DDX1: variants seen among roughly 807,000 people sequenced by gnomAD.
DDX1 encodes DEAD-box helicase 1.
A neutral mutation model predicts 108.7 loss-of-function variants in DDX1; 28 were observed. The observed-to-expected ratio is 0.26, with a 90% confidence interval of 0.19 to 0.35. The LOEUF is 0.35. Among genes scored for constraint, DDX1 ranks in the 10% least tolerant of loss-of-function variants. The pLI, the probability that DDX1 is intolerant of heterozygous loss-of-function variation, is 1.00. For missense variants in DDX1, 710 were observed against 884.5 expected (o/e 0.80, Z 2.50); for synonymous variants, 295 against 288.9 (o/e 1.02, Z -0.21).
chr2:15,602,342 C>T (rs1476595495), intron 6 of DDX1, among the ~76,000 whole-genome samples: 1 of 152,136 alleles, frequency 6.6e-6, no homozygotes, highest in Non-Finnish European at 1.5e-5. Flanking sequence ...GCCAAGGACA[C>T]CCAGGGAATG....
Position 15,604,433 on chromosome 2 carries a change from C to A in DDX1, c.553-4C>A. On this transcript the variant is annotated splice_polypyrimidine_tract_variant and splice_region_variant and intron_variant, in intron 9 of 25. Coordinates refer to ENST00000233084, the MANE Select transcript of DDX1 (RefSeq NM_004939.3). ...TAATAGCATTTGACTTTCTGGTGTT[C>A]TAGGAATTCACTATGCATGATACCA... The A allele has an allele frequency of 6.3e-7, 1 of 1,596,272 alleles. No homozygotes were observed. The highest frequency in any genetic ancestry group is 8.6e-7 in the Non-Finnish European group (1 of 1,165,094).
chr2:15,608,671 T>TG (rs1573041898), intron 13 of DDX1, among the ~76,000 whole-genome samples: 1 of 146,102 alleles, frequency 6.8e-6, no homozygotes, highest in East Asian at 2.0e-4. Flanking sequence ...AGGTTTTTTT[T>TG]TTTTTTTTTT....
chr2:15,604,043 A>G (rs1250064854), intron 9 of DDX1, among the ~76,000 whole-genome samples, 153 bp downstream of exon 9: 1 of 152,220 alleles, frequency 6.6e-6, no homozygotes, highest in Non-Finnish European at 1.5e-5. Flanking sequence ...ACTTTAGTGA[A>G]GAAATATTGT....
intron 12 of DDX1, 143 bp downstream of exon 12, chr2:15,606,407 T>C (rs997879578): frequency 6.7e-6 from 4 of 600,948 alleles, no homozygotes; most frequent in Admixed American, 3.5e-5. Context: ...AGCAGTAAAA[T>C]TCATTTTTAA....
At chr2:15,609,501 A>C (rs945482011) in intron 13 of DDX1, among the ~76,000 whole-genome samples, 15 of 151,976 alleles carry the variant, frequency 9.9e-5, no homozygotes, top group African/African-American at 3.6e-4. Flanking sequence ...TTACTTTTTA[A>C]TTTTCTTAAT....
chr2:15,624,030 CTGAA>C (rs1666056226), intron 19 of DDX1, among the ~76,000 whole-genome samples: 1 of 152,070 alleles, frequency 6.6e-6, no homozygotes, highest in Non-Finnish European at 1.5e-5. Context: ...TTGGAAAAAT[CTGAA>C]TGTATGAGTA....
intron 23 of DDX1, 128 bp downstream of exon 23, chr2:15,628,967 A>T: frequency 1.2e-6 from 1 of 834,852 alleles, no homozygotes; most frequent in African/African-American, 1.7e-5. Flanking sequence ...GAACTTTTTA[A>T]TGTCATCTTT....
intron 5 of DDX1, 129 bp from the exon 6 acceptor site, chr2:15,599,540 T>C: frequency 1.9e-6 from 1 of 528,560 alleles, no homozygotes; most frequent in East Asian, 3.3e-5. Context: ...CTTGAACTCC[T>C]GACCTCAAGT....
At chr2:15,607,418 A>G (rs1665681730) in intron 13 of DDX1, 105 bp downstream of exon 13, 1 of 915,356 alleles carries the variant, frequency 1.1e-6, no homozygotes, top group Non-Finnish European at 1.7e-6. Context: ...GTGTGTATAC[A>G]TAATACACGT....
In DDX1 at chr2:15,612,080, T is replaced by G. The variant is rs78961065; in HGVS notation, c.957-1144T>G. The stretch of plus-strand genomic sequence containing the variant: ...TCTCCTCCCGGAGGGGGCGGCTGGC[T>G]GGCGGGGCCTGACCCCCCCACCTCC... On this transcript the variant is annotated intron_variant, in intron 13 of 25. Transcript: ENST00000233084. Among the ~76,000 whole-genome samples, 2 of 56,856 alleles carry G rather than the reference T, an allele frequency of 3.5e-5. 1 individual carries two copies. The highest frequency in any genetic ancestry group is 1.5e-3 in the South Asian group (2 of 1,374). The allele number at this position is 56,856 out of a possible 152,430, so 37.3% of individuals were successfully genotyped here. A position where few individuals can be genotyped will look rare whatever the true frequency, so the allele number is the denominator to read the frequency against.
chr2:15,606,267 AT>A lies in DDX1; in HGVS notation c.817+5del. The A allele has an allele frequency of 6.3e-7, 1 of 1,594,886 alleles. No homozygotes were observed. The highest frequency in any genetic ancestry group is 8.6e-7 in the Non-Finnish European group (1 of 1,163,226). On this transcript the variant is annotated splice_donor_region_variant and intron_variant, in intron 12 of 25. Transcript: ENST00000233084. ...CATTGTCAAATCACAGCACTCAGGT[AT>A]TATACCTGCAAGGGTAAGGATTTCT...
Position 15,612,718 on chromosome 2 carries a change from T to C in DDX1, c.957-506T>C, listed in dbSNP as rs930786187. Among the ~76,000 whole-genome samples the C allele has an allele frequency of 9.9e-5, 15 of 152,244 alleles. No individual in the cohort carries two copies. The South Asian group carries it at 1.9e-3, about 19-fold the overall frequency. On this transcript the variant is annotated intron_variant, in intron 13 of 25. Transcript: ENST00000233084. ...CCACTGCACTCCAGCCTGGGCAACA[T>C]TGAGCACTGAGTGAGGGAGACTCCG...
intron 13 of DDX1, among the ~76,000 whole-genome samples, chr2:15,612,581 CG>C (rs1665793860): frequency 2.0e-5 from 3 of 151,342 alleles, no homozygotes; most frequent in Admixed American, 2.0e-4. Context: ...CAGGCAGAGA[CG>C]CTCCTCACTT....
chr2:15,619,124 G>A (rs1159557734), intron 16 of DDX1, among the ~76,000 whole-genome samples: 3 of 151,812 alleles, frequency 2.0e-5, no homozygotes, highest in Non-Finnish European at 4.4e-5. Context: ...ACCACCCTGG[G>A]CCCAGCTCCA....
chr2:15,620,899 T>C (rs1665993893), intron 17 of DDX1, among the ~76,000 whole-genome samples, 166 bp from the exon 18 acceptor site: 1 of 152,190 alleles, frequency 6.6e-6, no homozygotes, highest in African/African-American at 2.4e-5. Flanking sequence ...AATGAAAGGT[T>C]TTTCTGAATC....
At chr2:15,603,364 C>A in intron 8 of DDX1, 89 bp downstream of exon 8, 1 of 905,052 alleles carries the variant, frequency 1.1e-6, no homozygotes, top group Non-Finnish European at 1.7e-6. Flanking sequence ...TAAATTTAAC[C>A]ATAAAAAGGT....
chr2:15,595,232 A>G lies in DDX1; in HGVS notation c.68+36A>G, dbSNP rs1475105811. 6 of 1,501,106 alleles carry G rather than the reference A, an allele frequency of 4.0e-6. No homozygotes were observed. The Admixed American group carries it at 9.5e-5, about 24-fold the overall frequency. 93.0% of individuals were successfully genotyped at this position (1,501,106 alleles called of 1,614,324 possible). On this transcript the variant is annotated intron_variant, in intron 2 of 25. Coordinates refer to ENST00000233084, the MANE Select transcript of DDX1 (RefSeq NM_004939.3). The stretch of plus-strand genomic sequence containing the variant: ...AAAGCCTAAATGTACCTGGGAGAGG[A>G]TGTTTTATAATTTAAACAGTTGTTA...
At chr2:15,628,876 T>C (rs1573053127) in intron 23 of DDX1, 37 bp downstream of exon 23, 1 of 1,578,290 alleles carries the variant, frequency 6.3e-7, no homozygotes, top group Non-Finnish European at 8.7e-7. Context: ...TCATTGTGTG[T>C]GTTGTGATTT....
intron 13 of DDX1, among the ~76,000 whole-genome samples, chr2:15,608,663 G>GTTTTTTT (rs569566545): frequency 1.9e-4 from 20 of 106,716 alleles, no homozygotes; most frequent in Non-Finnish European, 2.5e-4. Context: ...TTTTTTTTAG[G>GTTTTTTT]TTTTTTTTTT....
Sources: gnomAD v4.1 joint callset for allele counts (sites outside exome capture counted in the v4.1 genomes callset) on GRCh38, gnomAD v4.1.1 for gene constraint, MANE v1.5 for transcripts, NCBI Gene and HGNC (gene_info 2026-07-23, HGNC 2026-07-21) for gene names.